The following CSGALNACT1 variants were observed in gnomAD, a reference collection of about 807,000 sequenced individuals.
CSGALNACT1 encodes the protein chondroitin sulfate N-acetylgalactosaminyltransferase 1.
Under a neutral mutation model 51.0 loss-of-function variants are expected in CSGALNACT1, and 52 were observed. The ratio of observed to expected loss-of-function variants is 1.02; its 90% CI spans 0.82 to 1.29. CSGALNACT1 has a LOEUF of 1.29. Ranked by LOEUF, CSGALNACT1 falls within the 50% of genes most tolerant of loss-of-function variation. The pLI is 0.00. For synonymous variants in CSGALNACT1, 341 were observed against 254.4 expected, an observed-to-expected ratio of 1.34 and a Z score of -3.24; for missense variants, 935 against 679.2, an observed-to-expected ratio of 1.38 and a Z score of -4.19.
chr8:19,510,503 T>C (rs1397605820), intron 3 of CSGALNACT1, among the ~76,000 whole-genome samples: 1 of 152,146 alleles, frequency 6.6e-6, no homozygotes, highest in African/African-American at 2.4e-5. Flanking sequence ...TTCAATGCAC[T>C]GTATAAAAAG....
chr8:19,412,114 T>C lies in CSGALNACT1; in HGVS notation c.1228-3420A>G, dbSNP rs534052927. 2.6e-5 allele frequency among the ~76,000 whole-genome samples: 4 copies of C among 152,298 alleles called. 1 individual carries two copies. In the South Asian group the frequency reaches 8.3e-4, roughly 32 times the overall value. ...TCCTAAAGTGCTGGGATCACAGGCA[T>C]GGGCCACCGCACCCAGCCTGCTATC... is the stretch of plus-strand genomic sequence containing the variant. On this transcript the variant is annotated intron_variant, in intron 8 of 9. Transcript: ENST00000454498.
intron 1 of CSGALNACT1, among the ~76,000 whole-genome samples, chr8:19,717,838 C>G (rs889777038): frequency 3.3e-5 from 5 of 152,098 alleles, no homozygotes; most frequent in African/African-American, 1.2e-4. Flanking sequence ...TAACCCTGGT[C>G]CAGGCTAGCC....
chr8:19,652,594 C>T (rs1344770031), intron 1 of CSGALNACT1, among the ~76,000 whole-genome samples: 1 of 152,166 alleles, frequency 6.6e-6, no homozygotes, highest in Non-Finnish European at 1.5e-5. Context: ...AGCATACAGA[C>T]ACCACAAAAC....
At chr8:19,611,766 G>A (rs1225247535) in intron 1 of CSGALNACT1, among the ~76,000 whole-genome samples, 1 of 152,034 alleles carries the variant, frequency 6.6e-6, no homozygotes, top group Non-Finnish European at 1.5e-5. Context: ...CTAATCTTTT[G>A]CATGGTAGCA....
intron 3 of CSGALNACT1, among the ~76,000 whole-genome samples, chr8:19,581,717 C>T (rs977677069): frequency 2.0e-5 from 3 of 152,308 alleles, no homozygotes; most frequent in Admixed American, 6.5e-5. Context: ...ACATCAGCTA[C>T]AGAGTATCAG....
At chr8:19,737,196 T>G (rs1339931804) in intron 1 of CSGALNACT1, among the ~76,000 whole-genome samples, 1 of 152,084 alleles carries the variant, frequency 6.6e-6, no homozygotes, top group Non-Finnish European at 1.5e-5. Flanking sequence ...TAAATAAAAC[T>G]AGGAGAGTTT....
At chr8:19,548,262 A>C (rs1025933140) in intron 3 of CSGALNACT1, among the ~76,000 whole-genome samples, 2 of 152,238 alleles carry the variant, frequency 1.3e-5, no homozygotes, top group South Asian at 4.1e-4. Flanking sequence ...CTTAATATTG[A>C]AAATAAAGTT....
intron 4 of CSGALNACT1, among the ~76,000 whole-genome samples, chr8:19,472,293 T>TA (rs1322904597): frequency 6.6e-6 from 1 of 152,164 alleles, no homozygotes; most frequent in Non-Finnish European, 1.5e-5. Context: ...GCACAAAACT[T>TA]AAGATACAGG....
At chr8:19,493,096 ATTCT>A (rs1395648612) in intron 4 of CSGALNACT1, among the ~76,000 whole-genome samples, 2 of 151,792 alleles carry the variant, frequency 1.3e-5, no homozygotes, top group Admixed American at 6.6e-5. Context: ...TTTGCAACAG[ATTCT>A]TTATTAAACA....
intron 3 of CSGALNACT1, among the ~76,000 whole-genome samples, chr8:19,518,658 C>T (rs2080027222): frequency 6.6e-6 from 1 of 152,214 alleles, no homozygotes; most frequent in Non-Finnish European, 1.5e-5. Flanking sequence ...TAAACCTCTG[C>T]TCCTAAACTC....
At chr8:19,505,614 C>T (rs771997899) in exon 4 of CSGALNACT1, 2 of 1,614,022 alleles carry the variant, frequency 1.2e-6, no homozygotes, top group African/African-American at 2.7e-5. Context: ...CCGCTTCAGG[C>T]TGCTCACGTA....
chr8:19,436,402 G>GC (rs1327221140), intron 6 of CSGALNACT1, among the ~76,000 whole-genome samples: 1 of 152,146 alleles, frequency 6.6e-6, no homozygotes, highest in East Asian at 1.9e-4. Flanking sequence ...AGGGATCACA[G>GC]CCTGAGTAAC....
intron 3 of CSGALNACT1, among the ~76,000 whole-genome samples, chr8:19,519,749 A>C (rs2080269591): frequency 6.6e-6 from 1 of 152,188 alleles, no homozygotes; most frequent in Non-Finnish European, 1.5e-5. Context: ...CTTCTTGGGC[A>C]CTTGCAGTCA....
chr8:19,632,144 G>T (rs539372459), intron 1 of CSGALNACT1, among the ~76,000 whole-genome samples: 1 of 152,186 alleles, frequency 6.6e-6, no homozygotes. Context: ...CCAAATTCTT[G>T]AAGAAAGAGA....
intron 3 of CSGALNACT1, among the ~76,000 whole-genome samples, chr8:19,543,827 T>C (rs1283608569): frequency 6.6e-6 from 1 of 152,174 alleles, no homozygotes; most frequent in Non-Finnish European, 1.5e-5. Context: ...GTCCTCCTAG[T>C]AGGACTCAAA....
At chr8:19,437,955 A>G (rs766261821) in intron 6 of CSGALNACT1, among the ~76,000 whole-genome samples, 5 of 152,194 alleles carry the variant, frequency 3.3e-5, no homozygotes, top group Admixed American at 2.6e-4. Context: ...TTTGATATGG[A>G]GAAGAATGTA....
intron 1 of CSGALNACT1, among the ~76,000 whole-genome samples, chr8:19,654,178 T>G (rs1339432548): frequency 2.6e-5 from 4 of 152,192 alleles, no homozygotes; most frequent in African/African-American, 9.7e-5. Flanking sequence ...AAGTCAGTAA[T>G]AGTCACTGAA....
intron 3 of CSGALNACT1, among the ~76,000 whole-genome samples, chr8:19,514,493 A>G (rs375947704): frequency 0.17 from 21,843 of 126,558 alleles, 3,035 homozygotes; most frequent in Non-Finnish European, 0.21. Flanking sequence ...ATATATATAT[A>G]TATATATATA....
chr8:19,569,147 C>A (rs1478157575), intron 3 of CSGALNACT1, among the ~76,000 whole-genome samples: 1 of 152,124 alleles, frequency 6.6e-6, no homozygotes, highest in East Asian at 1.9e-4. Context: ...CTACCATTAG[C>A]CAGATGGGCG....
Sources: gnomAD v4.1 joint callset for allele counts (sites outside exome capture counted in the v4.1 genomes callset) on GRCh38, gnomAD v4.1.1 for gene constraint, MANE v1.5 for transcripts, NCBI Gene and HGNC (gene_info 2026-07-23, HGNC 2026-07-21) for gene names.